The following ADGB variants were observed in gnomAD, a reference collection of about 807,000 sequenced individuals.
ADGB encodes calpain-7-like protein.
A neutral mutation model predicts 210.5 loss-of-function variants in ADGB; 172 were observed. The observed-to-expected ratio is 0.82, with a 90% CI of 0.72 to 0.93. The LOEUF (loss-of-function observed/expected upper bound fraction) is 0.93. ADGB is among the 40% of genes least tolerant of loss of function. The pLI, the probability that ADGB is intolerant of heterozygous loss-of-function variation, is 0.00. For missense variants in ADGB, 2,025 were observed against 1,964.8 expected, an observed-to-expected ratio of 1.03 and a Z score of -0.58; for synonymous variants, 658 against 662.7, an observed-to-expected ratio of 0.99 and a Z score of 0.11.
At chr6:146,691,003 A>AT (rs1037598759) in intron 10 of ADGB, 113 bp from the exon 11 acceptor site, 37 of 772,034 alleles carry the variant, frequency 4.8e-5, no homozygotes, top group Admixed American at 1.2e-4. Context: ...ATATTGGGTG[A>AT]TTTTTTTTCT....
intron 13 of ADGB, among the ~76,000 whole-genome samples, chr6:146,705,021 A>G (rs1185261772): frequency 1.3e-5 from 2 of 152,026 alleles, no homozygotes; most frequent in Non-Finnish European, 2.9e-5. Context: ...GTTTTATTTT[A>G]TAGTATTCAG....
At chr6:146,691,471 T>TATAA (rs1776321729) in intron 11 of ADGB, among the ~76,000 whole-genome samples, 181 bp downstream of exon 11, 3 of 46,250 alleles carry the variant, frequency 6.5e-5, no homozygotes, top group Admixed American at 3.4e-4. Flanking sequence ...AATATATATA[T>TATAA]ATATAAATAT....
In ADGB at chr6:146,768,940, T is replaced by G. The variant is rs1268964701; in HGVS notation, c.3751-80T>G. The stretch of plus-strand genomic sequence containing the variant: ...GATCTGGAAAATTCTGCATTTATCA[T>G]GTACCTAGCATAATAAATGACATTA... On this transcript the variant is annotated intron_variant, in intron 28 of 35. Transcript: ENST00000397944. 1.0e-5 allele frequency: 7 copies of G among 687,590 alleles called. No individual in the cohort carries two copies. The African/African-American group carries it at 1.2e-4, about 12-fold the overall frequency. 42.6% of individuals were successfully genotyped at this position (687,590 alleles called of 1,614,324 possible).
intron 13 of ADGB, among the ~76,000 whole-genome samples, chr6:146,711,712 T>G (rs535254517): frequency 6.6e-6 from 1 of 152,228 alleles, no homozygotes; most frequent in African/African-American, 2.4e-5. Flanking sequence ...GTCTTTTAAT[T>G]TTAAGCATTG....
chr6:146,684,998 T>C lies in ADGB; in HGVS notation c.1217-736T>C, dbSNP rs377300680. 5.9e-5 allele frequency among the ~76,000 whole-genome samples: 9 copies of C among 152,198 alleles called. 1 individual carries two copies. Among genetic ancestry groups the C allele is most frequent in the African/African-American group, 1.9e-4 (8 of 41,564 alleles). The stretch of plus-strand genomic sequence containing the variant: ...TTATGTTCTGTGGTCTTAAAGATAT[T>C]ATTCTTTTGTAAACATAGTATCAAA... On this transcript the variant is annotated intron_variant, in intron 9 of 35. Transcript: ENST00000397944.
intron 12 of ADGB, among the ~76,000 whole-genome samples, chr6:146,695,459 A>G (rs922459802): frequency 6.6e-6 from 1 of 152,160 alleles, no homozygotes; most frequent in African/African-American, 2.4e-5. Context: ...GGCATTAAGT[A>G]AATCATAGGT....
At chr6:146,746,219 C>T (rs7740560) in intron 26 of ADGB, 110 bp downstream of exon 26, 352,612 of 768,056 alleles carry the variant, frequency 0.46, 85,945 homozygotes, top group African/African-American at 0.72. Flanking sequence ...TTTCAAATTC[C>T]ATATTCTTTT....
intron 35 of ADGB, 119 bp downstream of exon 35, chr6:146,802,130 A>G (rs1406114839): frequency 2.9e-6 from 2 of 679,180 alleles, no homozygotes; most frequent in Non-Finnish European, 4.2e-6. Context: ...ATAGGTTTCT[A>G]TTATTCACAA....
At chr6:146,782,222 A>G (rs1325701) in intron 30 of ADGB, 30 bp downstream of exon 30, 676,897 of 1,484,762 alleles carry the variant, frequency 0.46, 157,354 homozygotes, top group Admixed American at 0.63. Context: ...TATTTGAGTG[A>G]CTTAATGATT....
At chr6:146,614,135 G>A (rs997864228) in intron 1 of ADGB, among the ~76,000 whole-genome samples, 1 of 151,934 alleles carries the variant, frequency 6.6e-6, no homozygotes, top group Admixed American at 6.6e-5. Context: ...AGTGATGTTT[G>A]TAATTTCCTG....
At chr6:146,809,965 C>T (rs1161386183) in intron 35 of ADGB, among the ~76,000 whole-genome samples, 1 of 151,186 alleles carries the variant, frequency 6.6e-6, no homozygotes, top group African/African-American at 2.4e-5. Context: ...AGTAGGACTA[C>T]ATAAAAATAA....
intron 1 of ADGB, among the ~76,000 whole-genome samples, chr6:146,621,071 T>C (rs1780885646): frequency 6.6e-6 from 1 of 152,212 alleles, no homozygotes; most frequent in South Asian, 2.1e-4. Flanking sequence ...TGTTTCCTCG[T>C]GTAGAAAAAA....
intron 16 of ADGB, among the ~76,000 whole-genome samples, chr6:146,719,594 C>A (rs58079516): frequency 3.3e-5 from 5 of 152,268 alleles, no homozygotes; most frequent in Admixed American, 2.6e-4. Flanking sequence ...ACACAGAGCC[C>A]GAGGCCTGTC....
intron 1 of ADGB, among the ~76,000 whole-genome samples, chr6:146,628,945 C>A (rs1300991465): frequency 1.3e-5 from 2 of 152,034 alleles, no homozygotes; most frequent in Non-Finnish European, 2.9e-5. Flanking sequence ...TAAGAAAATT[C>A]AAACCTGAAA....
At chr6:146,639,836 A>G (rs892409186) in intron 2 of ADGB, 2 of 151,990 alleles carry the variant, frequency 1.3e-5, no homozygotes, top group Non-Finnish European at 2.9e-5. Context: ...TTAAAAATCT[A>G]ACTTCGCAAT....
At chr6:146,625,361 C>T (rs1297769655) in intron 1 of ADGB, among the ~76,000 whole-genome samples, 1 of 151,950 alleles carries the variant, frequency 6.6e-6, no homozygotes. Flanking sequence ...CTGAAATCTA[C>T]TTTTTATAAT....
chr6:146,605,007 G>A (rs1562252896), intron 1 of ADGB, among the ~76,000 whole-genome samples: 1 of 152,218 alleles, frequency 6.6e-6, no homozygotes, highest in South Asian at 2.1e-4. Context: ...GTTAGTGCAG[G>A]CAACAGGAAT....
intron 33 of ADGB, among the ~76,000 whole-genome samples, chr6:146,794,423 C>T (rs759879328): frequency 5.0e-4 from 75 of 150,766 alleles, no homozygotes; most frequent in Admixed American, 7.9e-4. Flanking sequence ...CTTACTGTTT[C>T]CTCACAAGTT....
intron 33 of ADGB, among the ~76,000 whole-genome samples, chr6:146,790,567 C>T (rs188922343): frequency 5.9e-5 from 9 of 152,254 alleles, no homozygotes; most frequent in Admixed American, 1.3e-4. Context: ...GTCTACATAC[C>T]ACATTTTAAA....
Sources: allele counts gnomAD v4.1 joint callset (sites outside exome capture counted in the v4.1 genomes callset), GRCh38; gene constraint gnomAD v4.1.1; transcripts MANE v1.5; gene names NCBI Gene and HGNC (gene_info 2026-07-23, HGNC 2026-07-21).